DNM3: variants seen among roughly 807,000 people sequenced by gnomAD.
DNM3 encodes dynamin-3.
DNM3 carries 47 observed loss-of-function variants against 101.6 expected under a neutral mutation model. That is an observed-to-expected ratio of 0.46 (90% CI 0.37 to 0.59). DNM3 has a LOEUF of 0.59. DNM3 is among the 20% of genes least tolerant of loss of function. DNM3 has a pLI of 0.00. For missense variants in DNM3, 849 were observed against 1,085.7 expected (o/e 0.78, Z 3.06); for synonymous variants, 385 against 387.9 (o/e 0.99, Z 0.09).
chr1:172,297,146 A>G (rs2064206867), intron 15 of DNM3, among the ~76,000 whole-genome samples: 1 of 150,596 alleles, frequency 6.6e-6, no homozygotes, highest in African/African-American at 2.4e-5. Flanking sequence ...CCATCTCAAA[A>G]AAAAAAAAAA....
At chr1:171,884,952 A>C (rs2036632213) in intron 1 of DNM3, among the ~76,000 whole-genome samples, 1 of 152,150 alleles carries the variant, frequency 6.6e-6, no homozygotes, top group Non-Finnish European at 1.5e-5. Context: ...AGTCCACTAC[A>C]TGTTCCTTGA....
intron 2 of DNM3, among the ~76,000 whole-genome samples, chr1:171,954,682 G>A (rs2042743052): frequency 6.6e-6 from 1 of 152,096 alleles, no homozygotes; most frequent in South Asian, 2.1e-4. Context: ...TCCTGCAAGG[G>A]GAGGTTTAGT....
intron 14 of DNM3, among the ~76,000 whole-genome samples, chr1:172,153,431 A>C (rs1187693960): frequency 1.3e-5 from 2 of 152,158 alleles, no homozygotes; most frequent in Non-Finnish European, 2.9e-5. Flanking sequence ...ATTTTATCAA[A>C]AGGCAGTGAT....
chr1:172,195,494 C>A (rs559328998), intron 14 of DNM3, among the ~76,000 whole-genome samples: 1 of 151,804 alleles, frequency 6.6e-6, no homozygotes, highest in South Asian at 2.1e-4. Context: ...CATCCTTGCC[C>A]TCTTCCTCAT....
At chr1:172,265,290 A>G (rs2062816146) in intron 15 of DNM3, among the ~76,000 whole-genome samples, 1 of 152,052 alleles carries the variant, frequency 6.6e-6, no homozygotes, top group South Asian at 2.1e-4. Flanking sequence ...GAATTAATAT[A>G]ATCTTTACAA....
rs570576128 is a variant in DNM3, at chr1:172,046,039, G to GC, written c.1196+1589dup. On this transcript the variant is annotated intron_variant, in intron 9 of 20. Coordinates refer to ENST00000627582, the MANE Select transcript of DNM3 (RefSeq NM_015569.5). Reference sequence around the variant, plus strand: ...AGAACTAGAAATACCATTTGACCCAGCCATCCCATTACTGAGTATATACCC... The same window carrying GC: ...AGAACTAGAAATACCATTTGACCCAGCCCATCCCATTACTGAGTATATACCC... 7.7e-3 allele frequency among the ~76,000 whole-genome samples: 1,170 copies of GC among 152,268 alleles called. 10 individuals are homozygous for GC. Among genetic ancestry groups the GC allele is most frequent in the Middle Eastern group, 0.031 (9 of 294 alleles).
intron 4 of DNM3, among the ~76,000 whole-genome samples, chr1:171,998,282 A>G (rs1052572695): frequency 2.0e-5 from 3 of 152,152 alleles, no homozygotes; most frequent in Non-Finnish European, 4.4e-5. Context: ...TTAAAGTTAC[A>G]CTGTGGTTTG....
At chr1:172,006,256 T>C (rs984026022) in intron 4 of DNM3, among the ~76,000 whole-genome samples, 1 of 152,088 alleles carries the variant, frequency 6.6e-6, no homozygotes, top group Non-Finnish European at 1.5e-5. Flanking sequence ...GGAGGAACGC[T>C]CTTGTCTGTT....
At chr1:172,288,636 T>C (rs965958868) in intron 15 of DNM3, among the ~76,000 whole-genome samples, 11 of 152,192 alleles carry the variant, frequency 7.2e-5, no homozygotes, top group Non-Finnish European at 1.3e-4. Flanking sequence ...AGCTATTAAC[T>C]GGCTACGTTG....
intron 1 of DNM3, among the ~76,000 whole-genome samples, chr1:171,853,919 A>G (rs1558167078): frequency 6.6e-6 from 1 of 152,000 alleles, no homozygotes; most frequent in Non-Finnish European, 1.5e-5. Context: ...TTTGTTTTCC[A>G]CTCCTCCCAG....
At chr1:171,905,869 AC>A (rs2038781871) in intron 1 of DNM3, among the ~76,000 whole-genome samples, 1 of 148,286 alleles carries the variant, frequency 6.7e-6, no homozygotes, top group African/African-American at 2.5e-5. Context: ...TTGTCTCAAG[AC>A]AAAAAAAAAA....
chr1:172,041,925 T>C (rs1280396907), intron 7 of DNM3, 84 bp from the exon 8 acceptor site: 31 of 1,448,620 alleles, frequency 2.1e-5, no homozygotes, highest in African/African-American at 2.8e-5. Context: ...AAAAGGATTC[T>C]AAGGAATAAT....
chr1:172,172,944 C>A (rs2059016552), intron 14 of DNM3, among the ~76,000 whole-genome samples: 1 of 151,836 alleles, frequency 6.6e-6, no homozygotes, highest in Non-Finnish European at 1.5e-5. Context: ...CTTTTAACCT[C>A]TTTTAGTAAT....
intron 15 of DNM3, among the ~76,000 whole-genome samples, chr1:172,303,171 G>A (rs1432592653): frequency 2.0e-5 from 3 of 152,144 alleles, no homozygotes; most frequent in Non-Finnish European, 4.4e-5. Flanking sequence ...AATAAAGAGT[G>A]TAGAGAAGAC....
intron 10 of DNM3, among the ~76,000 whole-genome samples, chr1:172,063,135 A>C (rs1409304254): frequency 6.6e-6 from 1 of 152,202 alleles, no homozygotes; most frequent in East Asian, 1.9e-4. Flanking sequence ...GTCAAGTGAT[A>C]TGTATAGAAG....
At chr1:171,907,126 C>A (rs1412601141) in intron 1 of DNM3, among the ~76,000 whole-genome samples, 1 of 152,208 alleles carries the variant, frequency 6.6e-6, no homozygotes, top group Non-Finnish European at 1.5e-5. Context: ...ACTGTAACAT[C>A]TCCTAATTGT....
At chr1:172,347,239 A>G (rs990549849) in intron 17 of DNM3, among the ~76,000 whole-genome samples, 1 of 152,072 alleles carries the variant, frequency 6.6e-6, no homozygotes, top group Non-Finnish European at 1.5e-5. Flanking sequence ...AAAAATGCAA[A>G]TTCGACCCAG....
chr1:172,198,583 A>G (rs1172741195), intron 14 of DNM3, among the ~76,000 whole-genome samples: 2 of 151,876 alleles, frequency 1.3e-5, no homozygotes, highest in Non-Finnish European at 2.9e-5. Flanking sequence ...TACTGATTCA[A>G]TTTTGGAGCT....
intron 6 of DNM3, among the ~76,000 whole-genome samples, chr1:172,037,781 A>T (rs2049077053): frequency 6.6e-6 from 1 of 152,208 alleles, no homozygotes; most frequent in Non-Finnish European, 1.5e-5. Context: ...TGGGATCTAG[A>T]GATGGAAGTA....
Sources: gnomAD v4.1 joint callset for allele counts (sites outside exome capture counted in the v4.1 genomes callset) on GRCh38, gnomAD v4.1.1 for gene constraint, MANE v1.5 for transcripts, NCBI Gene and HGNC (gene_info 2026-07-23, HGNC 2026-07-21) for gene names.